The following PREP variants were observed in gnomAD, a reference collection of about 807,000 sequenced individuals.
The protein encoded by PREP is dJ355L5.1 (prolyl endopeptidase).
PREP carries 29 observed loss-of-function variants against 87.6 expected under a neutral mutation model. That is an observed-to-expected ratio of 0.33 (90% confidence interval 0.25 to 0.45). The LOEUF (loss-of-function observed/expected upper bound fraction) is 0.45, where lower values mean the gene tolerates loss of function less well. Ranked by LOEUF, PREP falls within the 20% of genes least tolerant of loss-of-function variation. PREP has a pLI of 1.00. For synonymous variants in PREP, 337 were observed against 328.6 expected, an observed-to-expected ratio of 1.03 and a Z score of -0.28; for missense variants, 695 against 886.5, an observed-to-expected ratio of 0.78 and a Z score of 2.74.
intron 7 of PREP, among the ~76,000 whole-genome samples, chr6:105,347,246 C>T (rs1300689475): frequency 1.3e-5 from 2 of 152,222 alleles, no homozygotes; most frequent in African/African-American, 2.4e-5. Context: ...CCGTCAGACA[C>T]TCCCTCAAAC....
intron 7 of PREP, among the ~76,000 whole-genome samples, chr6:105,334,724 A>C (rs1771434931): frequency 6.6e-6 from 1 of 151,892 alleles, no homozygotes; most frequent in South Asian, 2.1e-4. Context: ...CAACAACAAC[A>C]ACAACAACAA....
chr6:105,367,495 A>G (rs1367673868), intron 6 of PREP, among the ~76,000 whole-genome samples: 1 of 152,076 alleles, frequency 6.6e-6, no homozygotes, highest in South Asian at 2.1e-4. Context: ...AAAACGGTGA[A>G]ACCCCGTCTC....
chr6:105,278,340 G>A lies in PREP; in HGVS notation c.1937C>T (p.Pro646Leu), dbSNP rs1249254287. The A allele has an allele frequency of 1.2e-6, 2 of 1,614,186 alleles. No homozygotes were observed. The highest frequency in any genetic ancestry group is 1.7e-5 in the Admixed American group (1 of 60,028). ...GGCAATGAACTTCAGGGAGTGAAGC[G>A]GGACCACGCGGTCATCATGGTCAGC... The part of the protein sequence containing the change: ...LTADHDDRVV[P>L]LHSLKFIATL... Residue 646 changes from proline (P) to leucine (L), a missense_variant, in exon 15 of 15, where the codon CCG becomes CTG. Pro to Leu is a moderately conservative substitution (Grantham distance 98). Transcript: ENST00000652536. The surrounding 1 kb of genome is among the most constrained non-coding windows in gnomAD (Gnocchi z 4.2).
chr6:105,283,335 G>T (rs1770121854), intron 12 of PREP, among the ~76,000 whole-genome samples: 1 of 152,216 alleles, frequency 6.6e-6, no homozygotes, highest in Admixed American at 6.5e-5. Flanking sequence ...ACAGGGCCAT[G>T]AAATATCTAT....
chr6:105,342,392 A>G (rs1215587110), intron 7 of PREP, among the ~76,000 whole-genome samples: 1 of 152,204 alleles, frequency 6.6e-6, no homozygotes, highest in Non-Finnish European at 1.5e-5. Context: ...TCAAAATAAT[A>G]AGAGCTATTT....
intron 7 of PREP, among the ~76,000 whole-genome samples, chr6:105,341,183 C>T (rs561098259): frequency 2.8e-4 from 42 of 152,290 alleles, no homozygotes; most frequent in Admixed American, 1.2e-3. Context: ...TTATAACAAA[C>T]GGTATCTCAG....
intron 5 of PREP, among the ~76,000 whole-genome samples, chr6:105,369,714 A>G (rs1271974963): frequency 6.6e-6 from 1 of 152,214 alleles, no homozygotes; most frequent in African/African-American, 2.4e-5. Context: ...AAGATCTTAC[A>G]CCCTTTACAG....
intron 9 of PREP, among the ~76,000 whole-genome samples, chr6:105,326,481 T>G (rs1469453343): frequency 6.6e-6 from 1 of 152,186 alleles, no homozygotes; most frequent in East Asian, 1.9e-4. Context: ...GAAAACAAAG[T>G]CAGCTGGTGT....
intron 10 of PREP, among the ~76,000 whole-genome samples, chr6:105,309,412 C>A (rs954723122): frequency 1.3e-5 from 2 of 151,322 alleles, no homozygotes; most frequent in Non-Finnish European, 2.9e-5. Flanking sequence ...TGTGTTTATG[C>A]GATCTCGACT....
intron 10 of PREP, chr6:105,302,968 G>C (rs1770576307): frequency 5.3e-6 from 1 of 188,252 alleles, no homozygotes; most frequent in African/African-American, 2.4e-5. Context: ...CTGCCTGCCT[G>C]CACAGGGGCC....
At chr6:105,372,595 GAGA>G (rs1444219235) in intron 5 of PREP, among the ~76,000 whole-genome samples, 1 of 152,192 alleles carries the variant, frequency 6.6e-6, no homozygotes, top group African/African-American at 2.4e-5. Flanking sequence ...TGCAATTAAA[GAGA>G]AGAACAATAA....
rs950038348 is a variant in PREP, at chr6:105,277,371, G to A, written c.*773C>T. Among the ~76,000 whole-genome samples, 1 of 152,060 alleles carries A rather than the reference G, an allele frequency of 6.6e-6. No individual in the cohort carries two copies. Among genetic ancestry groups the A allele is most frequent in the Non-Finnish European group, 1.5e-5 (1 of 67,986 alleles). On this transcript the variant is annotated 3_prime_UTR_variant, in exon 15 of 15. Coordinates refer to ENST00000652536, the MANE Select transcript of PREP (RefSeq NM_002726.5). ...GAACTCTGATTTCTAGGAATACTTT[G>A]TAAACAAATCAATATACAAATAGGT...
intron 6 of PREP, among the ~76,000 whole-genome samples, chr6:105,363,060 T>C (rs973117626): frequency 6.6e-6 from 1 of 152,186 alleles, no homozygotes; most frequent in Non-Finnish European, 1.5e-5. Context: ...ATATGTGTAA[T>C]ACATATGTTT....
rs1192665666 is a variant in PREP, at chr6:105,273,326, T to C, written c.*4818A>G. ...AGTGTACAATTCAATGACTTTTTAATACATTTACCAGGTTGTGCAACCGTT... is the reference window on the plus strand; with the variant it reads ...AGTGTACAATTCAATGACTTTTTAACACATTTACCAGGTTGTGCAACCGTT... On this transcript the variant is annotated 3_prime_UTR_variant, in exon 15 of 15. Coordinates refer to ENST00000652536, the MANE Select transcript of PREP (RefSeq NM_002726.5). 1 of 152,244 alleles carries C rather than the reference T, an allele frequency of 6.6e-6. No individual in the cohort carries two copies. Among genetic ancestry groups the C allele is most frequent in the African/African-American group, 2.4e-5 (1 of 41,462 alleles). The allele number at this position is 152,244 out of a possible 1,614,324, so 9.4% of individuals were successfully genotyped here.
chr6:105,389,965 C>A (rs548002139), intron 2 of PREP, among the ~76,000 whole-genome samples: 2 of 152,176 alleles, frequency 1.3e-5, no homozygotes, highest in African/African-American at 4.8e-5. Flanking sequence ...GGAAAGCAGA[C>A]GTTTTCCTAC....
rs1281839915 is a variant in PREP at position 105,377,378 on chromosome 6, A to C, written c.254+8T>G. On this transcript the variant is annotated splice_region_variant and intron_variant, in intron 3 of 14. Coordinates refer to ENST00000652536, the MANE Select transcript of PREP (RefSeq NM_002726.5). ...AATAAAAAGGAAATTCAGTAAAAGC[A>C]GTCTCACCGTTTTCCTTTCTTGAAG... is the stretch of plus-strand genomic sequence containing the variant. 6.3e-7 allele frequency: 1 copy of C among 1,589,380 alleles called. No homozygotes were observed. The highest frequency in any genetic ancestry group is 1.9e-5 in the Admixed American group (1 of 52,522).
rs181609503 is a variant in PREP at position 105,293,560 on chromosome 6, C to G, written c.1318-4666G>C. On this transcript the variant is annotated intron_variant, in intron 10 of 14. Transcript: ENST00000652536. ...CATGTTGTTGAAAAAATGGCACTGACAGACTTGCTTGATTCAAGGTTGCCA... is the reference window on the plus strand; with the variant it reads ...CATGTTGTTGAAAAAATGGCACTGAGAGACTTGCTTGATTCAAGGTTGCCA... 9.2e-3 allele frequency among the ~76,000 whole-genome samples: 1,334 copies of G among 145,532 alleles called. 7 individuals carry two copies. Among genetic ancestry groups the G allele is most frequent in the South Asian group, 0.021 (98 of 4,632 alleles).
Position 105,302,458 on chromosome 6 carries a change from C to T in PREP, c.1318-13564G>A, listed in dbSNP as rs80318254. 102 of 278,016 alleles carry T rather than the reference C, an allele frequency of 3.7e-4. No homozygotes were observed. In the East Asian group the frequency reaches 8.4e-3, roughly 23 times the overall value. The allele number at this position is 278,016 out of a possible 1,614,324, so 17.2% of individuals were successfully genotyped here. Reference sequence around the variant, plus strand: ...TTTTATTGACAATGTGACGTTCAGGCGTTCACTGTGTACTTCTGCAGCGGG... The same window carrying T: ...TTTTATTGACAATGTGACGTTCAGGTGTTCACTGTGTACTTCTGCAGCGGG... On this transcript the variant is annotated intron_variant, in intron 10 of 14. Transcript: ENST00000652536.
rs753055294 is a variant in PREP, at chr6:105,353,041, T to C, written c.754A>G (p.Arg252Gly). The change falls in exon 7 of 15, where the codon AGG becomes GGG. Residue 252 changes from arginine (R) to glycine (G), a missense_variant. Physicochemically the swap from Arg to Gly is moderately radical, Grantham distance 125 (BLOSUM62 -2). Coordinates refer to ENST00000652536, the MANE Select transcript of PREP (RefSeq NM_002726.5). ...DDGRYVLLSI[R>G]EGCDPVNRLW... ...CGGTTTACTGGATCACATCCTTCCCTTATTGATAACAAGACATAGCGGCCA... is the reference window on the plus strand; with the variant it reads ...CGGTTTACTGGATCACATCCTTCCCCTATTGATAACAAGACATAGCGGCCA... The C allele has an allele frequency of 6.2e-7, 1 of 1,613,962 alleles. No individual in the cohort carries two copies. Among genetic ancestry groups the C allele is most frequent in the East Asian group, 2.2e-5 (1 of 44,878 alleles).
Sources: allele counts gnomAD v4.1 joint callset (sites outside exome capture counted in the v4.1 genomes callset), GRCh38; gene constraint gnomAD v4.1.1; non-coding constraint Gnocchi (gnomAD v3.1); transcripts MANE v1.5; gene names NCBI Gene and HGNC (gene_info 2026-07-23, HGNC 2026-07-21).